The following ADGRD1 variants were observed in gnomAD, a reference collection of about 807,000 sequenced individuals.
The protein encoded by ADGRD1 is adhesion G protein-coupled receptor D1, also known as G-protein coupled receptor 133.
Under a neutral mutation model 113.4 loss-of-function variants are expected in ADGRD1, and 77 were observed. That is an observed-to-expected ratio of 0.68 (90% CI 0.57 to 0.82). ADGRD1 has a LOEUF of 0.82. Ranked by LOEUF, ADGRD1 falls within the 40% of genes least tolerant of loss-of-function variation. ADGRD1 has a pLI of 0.00. For synonymous variants in ADGRD1, 474 were observed against 475.0 expected (o/e 1.00, Z 0.03); for missense variants, 1,036 against 1,139.1 (o/e 0.91, Z 1.30).
intron 8 of ADGRD1, among the ~76,000 whole-genome samples, chr12:130,998,022 C>T (rs887820150): frequency 6.6e-5 from 10 of 152,222 alleles, no homozygotes; most frequent in East Asian, 1.9e-4. Flanking sequence ...GCCAACACAG[C>T]GAAACCCCGT....
At chr12:131,108,959 G>A in intron 18 of ADGRD1, 82 bp downstream of exon 18, 2 of 391,010 alleles carry the variant, frequency 5.1e-6, no homozygotes, top group Non-Finnish European at 8.5e-6. Context: ...AGGACAGGAT[G>A]AGACAGGTGG....
rs1055907503 is a variant in ADGRD1 at position 131,084,727 on chromosome 12, C to T, written c.1671+64C>T. ...CGTACCATGAGGCTGCAGGTGGGGG[C>T]GGGAGGATGCTTTGCCCGCCAGTGC... On this transcript the variant is annotated intron_variant, in intron 15 of 24. Coordinates refer to ENST00000261654, the MANE Select transcript of ADGRD1 (RefSeq NM_198827.5). The surrounding 1 kb of genome is among the most constrained non-coding windows in gnomAD (Gnocchi z 4.5). The T allele has an allele frequency of 7.6e-5, 119 of 1,557,822 alleles. No homozygotes were observed. Among genetic ancestry groups the T allele is most frequent in the Admixed American group, 3.8e-4 (21 of 55,584 alleles).
At chr12:131,005,710 G>A (rs1339050299) in intron 11 of ADGRD1, among the ~76,000 whole-genome samples, 1 of 152,156 alleles carries the variant, frequency 6.6e-6, no homozygotes, top group Admixed American at 6.5e-5. Context: ...CCCTGGGTGA[G>A]CCTGGCCCTC....
Position 131,022,787 on chromosome 12 carries a change from G to A in ADGRD1, c.1473+8447G>A, listed in dbSNP as rs893927425. On this transcript the variant is annotated intron_variant, in intron 13 of 24. Transcript: ENST00000261654. The surrounding 1 kb of genome is among the most constrained non-coding windows in gnomAD (Gnocchi z 4.6). ...TTAGAAAGCAGGATTAGGGACAGGC[G>A]TGCTCATTTCTGCTGGAGCGTCACT... 3.9e-5 allele frequency: 6 copies of A among 152,026 alleles called. No homozygotes were observed. Among genetic ancestry groups the A allele is most frequent in the Admixed American group, 1.3e-4 (2 of 15,262 alleles). The allele number at this position is 152,026 out of a possible 1,614,324, so 9.4% of individuals were successfully genotyped here. A position where few individuals can be genotyped will look rare whatever the true frequency, so the allele number is the denominator to read the frequency against.
At chr12:131,017,279 ACACC>A (rs1388666597) in intron 13 of ADGRD1, among the ~76,000 whole-genome samples, 1 of 150,730 alleles carries the variant, frequency 6.6e-6, no homozygotes, top group Non-Finnish European at 1.5e-5. Context: ...CAGTCCACAC[ACACC>A]CAGTGCACAC....
intron 15 of ADGRD1, among the ~76,000 whole-genome samples, chr12:131,097,839 G>A (rs544122299): frequency 6.6e-5 from 10 of 152,340 alleles, no homozygotes; most frequent in African/African-American, 2.2e-4. Flanking sequence ...GACCTAGCCC[G>A]GAGTTCCTGC....
rs1879501736 is a variant in ADGRD1, at chr12:131,022,976, T to G, written c.1473+8636T>G. The G allele has an allele frequency of 6.6e-6, 1 of 152,194 alleles. No individual in the cohort carries two copies. Among genetic ancestry groups the G allele is most frequent in the South Asian group, 2.1e-4 (1 of 4,822 alleles). The allele number at this position is 152,194 out of a possible 1,614,324, so 9.4% of individuals were successfully genotyped here. A position where few individuals can be genotyped will look rare whatever the true frequency, so the allele number is the denominator to read the frequency against. On this transcript the variant is annotated intron_variant, in intron 13 of 24. Coordinates refer to ENST00000261654, the MANE Select transcript of ADGRD1 (RefSeq NM_198827.5). This position sits in a 1 kb window ranked among gnomAD's most constrained non-coding sequence, Gnocchi z 4.6. ...CTGATACCTGTTTCTGGTCTAAGAC[T>G]GTGGGATTCATTTAGCCTTTCCTTG... is the stretch of plus-strand genomic sequence containing the variant.
intron 2 of ADGRD1, chr12:130,962,756 G>A (rs1870508524): frequency 6.6e-6 from 1 of 152,132 alleles, no homozygotes; most frequent in African/African-American, 2.4e-5. Context: ...TTATTGTTTA[G>A]ATACTTCTCT....
At chr12:131,100,591 G>C (rs1174810035) in intron 15 of ADGRD1, among the ~76,000 whole-genome samples, 1 of 152,128 alleles carries the variant, frequency 6.6e-6, no homozygotes, top group Non-Finnish European at 1.5e-5. Context: ...ATGGTGGGTT[G>C]ATTGATAATG....
intron 19 of ADGRD1, 51 bp downstream of exon 19, chr12:131,118,502 T>C (rs770756831): frequency 5.7e-6 from 8 of 1,392,064 alleles, no homozygotes; most frequent in Non-Finnish European, 8.0e-6. Context: ...TGGAACAGCT[T>C]GTGGCGAGAG....
chr12:131,086,869 A>G (rs1886499884), intron 15 of ADGRD1, among the ~76,000 whole-genome samples: 1 of 152,236 alleles, frequency 6.6e-6, no homozygotes, highest in Admixed American at 6.5e-5. Context: ...TGGAGACTGC[A>G]GAGAGATGTC....
At chr12:130,980,935 C>G (rs115554366) in intron 4 of ADGRD1, 5 of 152,238 alleles carry the variant, frequency 3.3e-5, no homozygotes, top group African/African-American at 1.2e-4. Flanking sequence ...TAACATGCGT[C>G]GCTCAGACCA....
Position 130,954,210 on chromosome 12 carries a change from C to A in ADGRD1, c.-256C>A, listed in dbSNP as rs1474375459. 2.5e-6 allele frequency: 1 copy of A among 398,348 alleles called. No individual in the cohort carries two copies. The highest frequency in any genetic ancestry group is 4.4e-6 in the Non-Finnish European group (1 of 227,052). The allele number at this position is 398,348 out of a possible 1,614,324, so 24.7% of individuals were successfully genotyped here. A position where few individuals can be genotyped will look rare whatever the true frequency, so the allele number is the denominator to read the frequency against. ...TGCGAGTCGGGTTTGGGTTTCTCCT[C>A]CCTGCATTCCACAGCTGCTCTGGTC... On this transcript the variant is annotated 5_prime_UTR_variant, in exon 1 of 25. Transcript: ENST00000261654. The surrounding 1 kb of genome is among the most constrained non-coding windows in gnomAD (Gnocchi z 4.7).
At chr12:131,051,382 T>A (rs1014666112) in intron 13 of ADGRD1, among the ~76,000 whole-genome samples, 4 of 152,210 alleles carry the variant, frequency 2.6e-5, no homozygotes, top group African/African-American at 9.7e-5. Context: ...CCATCAAAAT[T>A]CCTGTTTAAA....
intron 13 of ADGRD1, among the ~76,000 whole-genome samples, chr12:131,071,050 G>A (rs374808571): frequency 1.3e-5 from 2 of 150,580 alleles, no homozygotes; most frequent in Non-Finnish European, 3.0e-5. Context: ...GAAAGGAGGT[G>A]GAGCCATGTG....
intron 21 of ADGRD1, 37 bp downstream of exon 21, chr12:131,131,853 C>T (rs1432714053): frequency 7.5e-7 from 1 of 1,326,580 alleles, no homozygotes; most frequent in East Asian, 2.3e-5. Flanking sequence ...TGCCACGGCC[C>T]TTCTGCCCCC....
At chr12:130,975,980 A>G (rs1241718761) in intron 4 of ADGRD1, among the ~76,000 whole-genome samples, 2 of 152,066 alleles carry the variant, frequency 1.3e-5, no homozygotes, top group Non-Finnish European at 2.9e-5. Flanking sequence ...TTTTCCTCAC[A>G]TGCATTAAGA....
intron 15 of ADGRD1, among the ~76,000 whole-genome samples, chr12:131,094,166 C>A (rs552059060): frequency 6.6e-6 from 1 of 152,224 alleles, no homozygotes; most frequent in Admixed American, 6.5e-5. Flanking sequence ...GCCTCAGTAC[C>A]CAGCCTCAGC....
chr12:131,096,798 C>T lies in ADGRD1; in HGVS notation c.1672-8033C>T, dbSNP rs911985485. ...CATCGTCTGGGGCACAGTGGGGACT[C>T]AGCCCTGAGTTCCCAGTCATGTTGA... is the stretch of plus-strand genomic sequence containing the variant. On this transcript the variant is annotated intron_variant, in intron 15 of 24. Transcript: ENST00000261654. The surrounding 1 kb of genome is among the most constrained non-coding windows in gnomAD (Gnocchi z 5.2). Among the ~76,000 whole-genome samples the T allele has an allele frequency of 1.3e-5, 2 of 152,220 alleles. No homozygotes were observed. The highest frequency in any genetic ancestry group is 1.3e-4 in the Admixed American group (2 of 15,286).
Sources: gnomAD v4.1 joint callset for allele counts (sites outside exome capture counted in the v4.1 genomes callset) on GRCh38, gnomAD v4.1.1 for gene constraint, Gnocchi (gnomAD v3.1) non-coding constraint, MANE v1.5 for transcripts, NCBI Gene and HGNC (gene_info 2026-07-23, HGNC 2026-07-21) for gene names.